NOS1AP: variants seen among roughly 807,000 people sequenced by gnomAD.
NOS1AP encodes carboxyl-terminal PDZ ligand of neuronal nitric oxide synthase protein.
Under a neutral mutation model 56.2 loss-of-function variants are expected in NOS1AP, and 21 were observed. That is an observed-to-expected ratio of 0.37 (90% CI 0.26 to 0.54). The LOEUF (loss-of-function observed/expected upper bound fraction) is 0.54. Ranked by LOEUF, NOS1AP falls within the 20% of genes least tolerant of loss-of-function variation. The probability of loss-of-function intolerance (pLI) is 0.84; values close to 1 mark genes in which losing one functional copy is unlikely to be tolerated. For synonymous variants in NOS1AP, 270 were observed against 274.6 expected (o/e 0.98, Z 0.17); for missense variants, 522 against 657.8 (o/e 0.79, Z 2.26).
intron 4 of NOS1AP, among the ~76,000 whole-genome samples, chr1:162,332,195 C>T (rs183594335): frequency 8.3e-4 from 126 of 152,296 alleles, no homozygotes; most frequent in African/African-American, 2.9e-3. Flanking sequence ...ATTCCCACTT[C>T]CTGCCATGGT....
chr1:162,230,980 G>A (rs143197495), intron 2 of NOS1AP, among the ~76,000 whole-genome samples: 14 of 152,234 alleles, frequency 9.2e-5, no homozygotes, highest in East Asian at 5.8e-4. Flanking sequence ...TTAAGACCCC[G>A]CTTTCAGTTA....
chr1:162,262,399 G>T (rs1035474649), intron 2 of NOS1AP, among the ~76,000 whole-genome samples: 1 of 152,154 alleles, frequency 6.6e-6, no homozygotes, highest in Non-Finnish European at 1.5e-5. Flanking sequence ...GATGCTGGAG[G>T]TTCTCACAGA....
At chr1:162,217,753 CT>C (rs1204451039) in intron 2 of NOS1AP, among the ~76,000 whole-genome samples, 1 of 152,172 alleles carries the variant, frequency 6.6e-6, no homozygotes, top group Non-Finnish European at 1.5e-5. Flanking sequence ...TTATCCTGTC[CT>C]CTTTTCTGTG....
chr1:162,355,091 T>A, intron 6 of NOS1AP, 96 bp from the exon 7 acceptor site: 1 of 1,408,664 alleles, frequency 7.1e-7, no homozygotes, highest in Non-Finnish European at 1.0e-6. Flanking sequence ...GTGGCATCCC[T>A]AGGCTCAACA....
chr1:162,259,905 T>C (rs1654154279), intron 2 of NOS1AP, among the ~76,000 whole-genome samples: 1 of 152,226 alleles, frequency 6.6e-6, no homozygotes, highest in African/African-American at 2.4e-5. Context: ...CTCTGTTGTT[T>C]TCTCCTAAGA....
chr1:162,204,009 G>A (rs1317761899), intron 2 of NOS1AP, among the ~76,000 whole-genome samples: 2 of 152,178 alleles, frequency 1.3e-5, no homozygotes, highest in African/African-American at 2.4e-5. Flanking sequence ...TAGCAGGCTC[G>A]CCTTACTGTC....
At chr1:162,285,955 G>A (rs1212279581) in intron 2 of NOS1AP, among the ~76,000 whole-genome samples, 1 of 152,186 alleles carries the variant, frequency 6.6e-6, no homozygotes, top group Non-Finnish European at 1.5e-5. Context: ...CTCAGTTAGT[G>A]AGGTCCTATT....
At chr1:162,269,327 T>C (rs1356347123) in intron 2 of NOS1AP, among the ~76,000 whole-genome samples, 1 of 152,194 alleles carries the variant, frequency 6.6e-6, no homozygotes, top group Non-Finnish European at 1.5e-5. Flanking sequence ...TGAATTTCCT[T>C]TTATTCTTTG....
At chr1:162,314,829 G>T (rs547772021) in intron 4 of NOS1AP, among the ~76,000 whole-genome samples, 3 of 152,342 alleles carry the variant, frequency 2.0e-5, no homozygotes, top group African/African-American at 7.2e-5. Context: ...GCCAGTAAGT[G>T]TTGAACATCA....
At chr1:162,313,793 AG>A (rs1341296487) in intron 4 of NOS1AP, among the ~76,000 whole-genome samples, 1 of 152,184 alleles carries the variant, frequency 6.6e-6, no homozygotes, top group Non-Finnish European at 1.5e-5. Flanking sequence ...AGGGAGGGAA[AG>A]GAGGCCCCAG....
At chr1:162,250,651 A>T (rs1653819264) in intron 2 of NOS1AP, among the ~76,000 whole-genome samples, 1 of 152,180 alleles carries the variant, frequency 6.6e-6, no homozygotes, top group Non-Finnish European at 1.5e-5. Flanking sequence ...CAGTTGAGGG[A>T]GCTGCTGTGT....
At chr1:162,116,827 C>A (rs368613687) in intron 1 of NOS1AP, among the ~76,000 whole-genome samples, 4 of 152,170 alleles carry the variant, frequency 2.6e-5, no homozygotes, top group African/African-American at 9.7e-5. Context: ...TGCCTGCCCC[C>A]ACTCCCAACA....
chr1:162,275,717 C>G (rs1475039171), intron 2 of NOS1AP, among the ~76,000 whole-genome samples: 1 of 152,168 alleles, frequency 6.6e-6, no homozygotes, highest in Non-Finnish European at 1.5e-5. Flanking sequence ...CCATTTTCAT[C>G]CTCGTTTCTG....
chr1:162,103,643 T>C (rs991107344), intron 1 of NOS1AP, among the ~76,000 whole-genome samples: 1 of 152,230 alleles, frequency 6.6e-6, no homozygotes, highest in African/African-American at 2.4e-5. Flanking sequence ...ATATTTAGGA[T>C]AGTTATCCCT....
At chr1:162,187,254 A>G (rs1345904757) in intron 2 of NOS1AP, among the ~76,000 whole-genome samples, 1 of 152,232 alleles carries the variant, frequency 6.6e-6, no homozygotes, top group Non-Finnish European at 1.5e-5. Flanking sequence ...GGCATGAGCC[A>G]CCACATTCAG....
At chr1:162,081,448 G>A (rs1236956289) in intron 1 of NOS1AP, among the ~76,000 whole-genome samples, 1 of 151,958 alleles carries the variant, frequency 6.6e-6, no homozygotes, top group Non-Finnish European at 1.5e-5. Flanking sequence ...TTCCTGGAGG[G>A]TGTTATTCTT....
At chr1:162,127,011 T>C (rs182851804) in intron 1 of NOS1AP, among the ~76,000 whole-genome samples, 78 of 152,316 alleles carry the variant, frequency 5.1e-4, no homozygotes, top group South Asian at 3.5e-3. Flanking sequence ...AGAGTTTTAA[T>C]TGTACTTCTT....
At chr1:162,119,854 T>C (rs1648131055) in intron 1 of NOS1AP, among the ~76,000 whole-genome samples, 1 of 152,180 alleles carries the variant, frequency 6.6e-6, no homozygotes, top group Non-Finnish European at 1.5e-5. Flanking sequence ...CTCTGAAGAC[T>C]TGAAGAGTGA....
chr1:162,163,991 G>A (rs1488484464), intron 2 of NOS1AP, among the ~76,000 whole-genome samples: 1 of 152,214 alleles, frequency 6.6e-6, no homozygotes, highest in Non-Finnish European at 1.5e-5. Flanking sequence ...TCTGTCAGCA[G>A]AGAAGAGTTA....
Sources: allele counts gnomAD v4.1 joint callset (sites outside exome capture counted in the v4.1 genomes callset), GRCh38; gene constraint gnomAD v4.1.1; transcripts MANE v1.5; gene names NCBI Gene and HGNC (gene_info 2026-07-23, HGNC 2026-07-21).